Variants in KCNB2 observed in about 807,000 individuals in gnomAD.
KCNB2 encodes the protein delayed rectifier potassium channel protein.
Under a neutral mutation model 61.5 loss-of-function variants are expected in KCNB2, and 15 were observed. The observed-to-expected ratio is 0.24, with a 90% CI of 0.16 to 0.38. The LOEUF (loss-of-function observed/expected upper bound fraction) is 0.38. Among genes scored for constraint, KCNB2 ranks in the 10% least tolerant of loss-of-function variants. The probability of loss-of-function intolerance (pLI) is 1.00; values close to 1 mark genes in which losing one functional copy is unlikely to be tolerated. For synonymous variants in KCNB2, 457 were observed against 446.0 expected, an observed-to-expected ratio of 1.02 and a Z score of -0.31; for missense variants, 828 against 1,125.2, an observed-to-expected ratio of 0.74 and a Z score of 3.78.
intron 2 of KCNB2, among the ~76,000 whole-genome samples, chr8:72,601,068 G>A (rs1301244056): frequency 2.0e-5 from 3 of 151,372 alleles, no homozygotes; most frequent in African/African-American, 7.3e-5. Context: ...TCTTAAGACT[G>A]TATTGCTACC....
At chr8:72,719,517 A>C (rs987702041) in intron 2 of KCNB2, among the ~76,000 whole-genome samples, 1 of 152,154 alleles carries the variant, frequency 6.6e-6, no homozygotes, top group Middle Eastern at 3.2e-3. Flanking sequence ...GCACTTACCA[A>C]TTTAGTATGC....
intron 2 of KCNB2, among the ~76,000 whole-genome samples, chr8:72,681,622 G>A (rs1163094908): frequency 1.3e-5 from 2 of 152,162 alleles, no homozygotes; most frequent in Non-Finnish European, 2.9e-5. Flanking sequence ...AGAATAAAAA[G>A]TATAGTATAA....
chr8:72,884,229 G>T (rs1805766306), intron 2 of KCNB2, among the ~76,000 whole-genome samples: 1 of 152,048 alleles, frequency 6.6e-6, no homozygotes, highest in South Asian at 2.1e-4. Context: ...ACCATAGATT[G>T]TCTATTCCTT....
chr8:72,657,006 T>A (rs989897542), intron 2 of KCNB2, among the ~76,000 whole-genome samples: 2 of 152,164 alleles, frequency 1.3e-5, no homozygotes, highest in Non-Finnish European at 1.5e-5. Context: ...AGGCTCTATT[T>A]CATTAGGGTA....
intron 2 of KCNB2, among the ~76,000 whole-genome samples, chr8:72,742,599 A>G (rs1407015018): frequency 6.6e-6 from 1 of 152,134 alleles, no homozygotes; most frequent in Non-Finnish European, 1.5e-5. Context: ...GTGGCCTCTA[A>G]CTTCCCACAC....
chr8:72,909,320 A>T (rs1806238645), intron 2 of KCNB2, among the ~76,000 whole-genome samples: 1 of 152,166 alleles, frequency 6.6e-6, no homozygotes. Context: ...GAAGAAGAAC[A>T]CATCAGGCAA....
rs566343994 is a variant in KCNB2, at chr8:72,825,541, G to A, written c.580-110394G>A. Among the ~76,000 whole-genome samples, 202 of 152,184 alleles carry A rather than the reference G, an allele frequency of 1.3e-3. 8 individuals carry two copies. In the South Asian group the frequency reaches 0.041, roughly 31 times the overall value. On this transcript the variant is annotated intron_variant, in intron 2 of 2. Transcript: ENST00000523207. ...GTACACAGGGCTCCAATTTCTCTAC[G>A]TCCTCCCTGATGCTTGTTATTTTCT...
chr8:72,683,026 ATATGT>A (rs765027750), intron 2 of KCNB2, among the ~76,000 whole-genome samples: 6 of 152,208 alleles, frequency 3.9e-5, no homozygotes, highest in Non-Finnish European at 8.8e-5. Context: ...TATCTATATA[ATATGT>A]TAAGTGGAGA....
chr8:72,919,720 A>C (rs1418967084), intron 2 of KCNB2, among the ~76,000 whole-genome samples: 1 of 152,240 alleles, frequency 6.6e-6, no homozygotes, highest in Admixed American at 6.5e-5. Flanking sequence ...CTACATAGGA[A>C]GTAAGAAATT....
intron 2 of KCNB2, among the ~76,000 whole-genome samples, chr8:72,727,944 A>G (rs974222391): frequency 6.6e-6 from 1 of 151,974 alleles, no homozygotes; most frequent in South Asian, 2.1e-4. Context: ...TATAGACTTT[A>G]TTTGACTACC....
intron 2 of KCNB2, among the ~76,000 whole-genome samples, chr8:72,730,015 A>C (rs187436515): frequency 6.8e-4 from 103 of 152,240 alleles, no homozygotes; most frequent in African/African-American, 2.4e-3. Flanking sequence ...TGGGGAGAGA[A>C]ATTTTCCTGA....
At chr8:72,923,847 A>C (rs1806581313) in intron 2 of KCNB2, among the ~76,000 whole-genome samples, 1 of 152,206 alleles carries the variant, frequency 6.6e-6, no homozygotes, top group African/African-American at 2.4e-5. Context: ...CAAACTCTTT[A>C]GTTCATTTAT....
At chr8:72,720,972 A>G (rs1030510233) in intron 2 of KCNB2, among the ~76,000 whole-genome samples, 3 of 152,212 alleles carry the variant, frequency 2.0e-5, no homozygotes, top group Non-Finnish European at 2.9e-5. Flanking sequence ...TACTGTGTAG[A>G]TACAATAAAA....
chr8:72,714,005 T>G, intron 2 of KCNB2, among the ~76,000 whole-genome samples: 1 of 152,134 alleles, frequency 6.6e-6, no homozygotes, highest in Admixed American at 6.5e-5. Flanking sequence ...AAGAACTACA[T>G]GATGAATGCA....
intron 2 of KCNB2, among the ~76,000 whole-genome samples, chr8:72,901,815 C>T (rs1806097305): frequency 6.6e-6 from 1 of 152,124 alleles, no homozygotes; most frequent in Non-Finnish European, 1.5e-5. Flanking sequence ...TTCCCATCAG[C>T]AATGACCATC....
Position 72,704,928 on chromosome 8 carries a change from A to ATT in KCNB2, c.579+136616_579+136617insTT, listed in dbSNP as rs368942079. Among the ~76,000 whole-genome samples the ATT allele has an allele frequency of 1.9e-3, 293 of 150,826 alleles. 3 individuals carry two copies. Among genetic ancestry groups the ATT allele is most frequent in the African/African-American group, 6.7e-3 (273 of 40,816 alleles). On this transcript the variant is annotated intron_variant, in intron 2 of 2. Transcript: ENST00000523207. ...AATACAATGTAAATGTTATGTAAAC[A>ATT]TGTCATACCATATTTTTTAATTTAA...
intron 2 of KCNB2, among the ~76,000 whole-genome samples, chr8:72,720,492 C>G (rs1341696948): frequency 6.6e-6 from 1 of 152,076 alleles, no homozygotes; most frequent in African/African-American, 2.4e-5. Flanking sequence ...TCAAGTTTAT[C>G]TCCTTGCAAA....
At chr8:72,678,038 G>T (rs1806690410) in intron 2 of KCNB2, among the ~76,000 whole-genome samples, 1 of 152,062 alleles carries the variant, frequency 6.6e-6, no homozygotes, top group African/African-American at 2.4e-5. Context: ...CCCTAAACTG[G>T]TTCTTCCTCA....
intron 2 of KCNB2, among the ~76,000 whole-genome samples, chr8:72,755,482 T>TA (rs910261029): frequency 2.6e-5 from 4 of 152,198 alleles, no homozygotes; most frequent in Non-Finnish European, 4.4e-5. Flanking sequence ...AAAACTGTTC[T>TA]AAAAAATAAA....
Sources: allele counts gnomAD v4.1 joint callset (sites outside exome capture counted in the v4.1 genomes callset), GRCh38; gene constraint gnomAD v4.1.1; transcripts MANE v1.5; gene names NCBI Gene and HGNC (gene_info 2026-07-23, HGNC 2026-07-21).